The following C12orf54 variants were observed in gnomAD, a reference collection of about 807,000 sequenced individuals.
The protein encoded by C12orf54 is chromosome 12 open reading frame 54.
Under a neutral mutation model 26.4 loss-of-function variants are expected in C12orf54, and 24 were observed. The ratio of observed to expected loss-of-function variants is 0.91; its 90% confidence interval spans 0.66 to 1.28. The LOEUF is 1.28. Ranked by LOEUF, C12orf54 falls within the 50% of genes most tolerant of loss-of-function variation. The probability of loss-of-function intolerance (pLI) is 0.00; values close to 1 mark genes in which losing one functional copy is unlikely to be tolerated. For synonymous variants in C12orf54, 54 were observed against 47.0 expected, an observed-to-expected ratio of 1.15 and a Z score of -0.61; for missense variants, 154 against 150.9, an observed-to-expected ratio of 1.02 and a Z score of -0.11.
chr12:48,418,663 TAA>T, the C12orf54 span, among the ~76,000 whole-genome samples: 3 of 152,258 alleles, frequency 2.0e-5, no homozygotes, highest in South Asian at 6.2e-4. Context: ...TGTGTTAGAA[TAA>T]AGTGGTTGAA....
the C12orf54 span, among the ~76,000 whole-genome samples, chr12:48,425,702 A>G: frequency 6.6e-6 from 1 of 152,138 alleles, no homozygotes; most frequent in African/African-American, 2.4e-5. Context: ...AGCAGTGTAT[A>G]TTAGCATTCC....
chr12:48,450,083 G>T, the C12orf54 span, among the ~76,000 whole-genome samples: 3 of 152,108 alleles, frequency 2.0e-5, no homozygotes, highest in Non-Finnish European at 4.4e-5. Flanking sequence ...CCCGTTTTGG[G>T]TATGTCTTTA....
intron 8 of C12orf54, among the ~76,000 whole-genome samples, chr12:48,495,250 T>C (rs1937887331): frequency 6.6e-6 from 1 of 151,864 alleles, no homozygotes; most frequent in Admixed American, 6.6e-5. Flanking sequence ...CCAAACAGAG[T>C]GCATCAGGTG....
the C12orf54 span, among the ~76,000 whole-genome samples, chr12:48,449,829 C>T: frequency 1.3e-5 from 2 of 149,884 alleles, no homozygotes; most frequent in Non-Finnish European, 2.9e-5. Context: ...ACTATGTCCC[C>T]ACCCAAATCT....
the C12orf54 span, among the ~76,000 whole-genome samples, chr12:48,440,100 C>T: frequency 6.6e-6 from 1 of 151,930 alleles, no homozygotes; most frequent in Non-Finnish European, 1.5e-5. Flanking sequence ...TGACAGGCGC[C>T]TGTAATCCCA....
the C12orf54 span, among the ~76,000 whole-genome samples, chr12:48,431,647 A>G: frequency 6.6e-6 from 1 of 152,250 alleles, no homozygotes; most frequent in Non-Finnish European, 1.5e-5. Context: ...GTCAAAGATG[A>G]GTTTTATAAA....
chr12:48,466,107 A>G, the C12orf54 span, among the ~76,000 whole-genome samples: 4 of 152,224 alleles, frequency 2.6e-5, no homozygotes, highest in Non-Finnish European at 5.9e-5. Context: ...CCTAAAAAAC[A>G]GAGAGAAACA....
the C12orf54 span, among the ~76,000 whole-genome samples, chr12:48,416,681 G>T: frequency 0.051 from 7,684 of 152,138 alleles, 661 homozygotes; most frequent in African/African-American, 0.17. Context: ...GGCCAACATG[G>T]TGAAACCCCA....
rs745329725 is a variant in C12orf54 at position 48,483,257 on chromosome 12, A to T, written c.-40A>T. 2 of 1,582,122 alleles carry T rather than the reference A, an allele frequency of 1.3e-6. No homozygotes were observed. The highest frequency in any genetic ancestry group is 1.7e-6 in the Non-Finnish European group (2 of 1,151,228). On this transcript the variant is annotated 5_prime_UTR_variant, in exon 2 of 9. Coordinates refer to ENST00000548364, the MANE Select transcript of C12orf54 (RefSeq NM_152319.4). Reference sequence around the variant, plus strand: ...CTCTCCAGGGCCTGGAGCTATCTCCATCTTCAGCTCCAGAGTCCTTGGTTT... The same window carrying T: ...CTCTCCAGGGCCTGGAGCTATCTCCTTCTTCAGCTCCAGAGTCCTTGGTTT...
chr12:48,490,438 T>C (rs1297682857), intron 5 of C12orf54, among the ~76,000 whole-genome samples: 5 of 152,146 alleles, frequency 3.3e-5, no homozygotes, highest in Non-Finnish European at 7.4e-5. Flanking sequence ...CCAGGTCACC[T>C]GAGGTCAGGA....
At chr12:48,473,242 A>T in the C12orf54 span, 1 of 1,132,492 alleles carries the variant, frequency 8.8e-7, no homozygotes, top group Non-Finnish European at 1.3e-6. Flanking sequence ...GAGGACGAGG[A>T]TGAGGAGGAG....
chr12:48,462,758 A>C, the C12orf54 span, among the ~76,000 whole-genome samples: 1 of 151,750 alleles, frequency 6.6e-6, no homozygotes, highest in Non-Finnish European at 1.5e-5. Context: ...CTATAAAAAA[A>C]TCTATATCTA....
At chr12:48,466,500 G>A in the C12orf54 span, among the ~76,000 whole-genome samples, 9,730 of 151,336 alleles carry the variant, frequency 0.064, 1,049 homozygotes, top group African/African-American at 0.22. Flanking sequence ...AGCCAAGATC[G>A]AGCCATTGCA....
chr12:48,459,706 G>A, the C12orf54 span, among the ~76,000 whole-genome samples: 1 of 152,150 alleles, frequency 6.6e-6, no homozygotes, highest in African/African-American at 2.4e-5. Context: ...TACAAGGAAA[G>A]GGTACAAATC....
At chr12:48,483,409 C>A in intron 2 of C12orf54, 48 bp downstream of exon 2, 1 of 1,575,526 alleles carries the variant, frequency 6.3e-7, no homozygotes, top group Non-Finnish European at 8.7e-7. Context: ...TTGCTATACT[C>A]TATGGGAGAA....
the C12orf54 span, among the ~76,000 whole-genome samples, chr12:48,416,048 C>T: frequency 6.6e-6 from 1 of 152,158 alleles, no homozygotes; most frequent in East Asian, 1.9e-4. Context: ...TAGCAGCAAG[C>T]CCTATAACTG....
chr12:48,470,382 C>G, the C12orf54 span, among the ~76,000 whole-genome samples: 1 of 152,280 alleles, frequency 6.6e-6, no homozygotes, highest in Admixed American at 6.5e-5. Context: ...TTGGTAATAG[C>G]CATTCCAACT....
the C12orf54 span, among the ~76,000 whole-genome samples, chr12:48,439,390 ATTACTG>A: frequency 1.3e-5 from 2 of 152,194 alleles, no homozygotes; most frequent in Non-Finnish European, 2.9e-5. Context: ...CAGTCATCTC[ATTACTG>A]GGTATATACC....
chr12:48,443,187 A>T, the C12orf54 span, among the ~76,000 whole-genome samples: 1 of 152,002 alleles, frequency 6.6e-6, no homozygotes, highest in Admixed American at 6.6e-5. Context: ...TTCTTTCTTT[A>T]ATGTTTCAGT....
Sources: gnomAD v4.1 joint callset for allele counts (sites outside exome capture counted in the v4.1 genomes callset) on GRCh38, gnomAD v4.1.1 for gene constraint, MANE v1.5 for transcripts, NCBI Gene and HGNC (gene_info 2026-07-23, HGNC 2026-07-21) for gene names.